The following NFIB variants were observed in gnomAD, a reference collection of about 807,000 sequenced individuals.
NFIB encodes nuclear factor I B, also known as nuclear factor 1 B-type.
Under a neutral mutation model 61.5 loss-of-function variants are expected in NFIB, and 11 were observed. The observed-to-expected ratio is 0.18, with a 90% CI of 0.11 to 0.30. The LOEUF (loss-of-function observed/expected upper bound fraction) is 0.30. Ranked by LOEUF, NFIB falls within the 10% of genes least tolerant of loss-of-function variation. The pLI is 1.00. For missense variants in NFIB, 471 were observed against 608.9 expected (o/e 0.77, Z 2.38); for synonymous variants, 260 against 216.5 (o/e 1.20, Z -1.76).
At chr9:14,449,542 A>C in the NFIB span, among the ~76,000 whole-genome samples, 2 of 152,334 alleles carry the variant, frequency 1.3e-5, no homozygotes, top group African/African-American at 4.8e-5. Flanking sequence ...TGAAAGTGTG[A>C]TCATAAAGGA....
chr9:14,209,742 G>A (rs1320690203), intron 2 of NFIB, among the ~76,000 whole-genome samples: 2 of 152,194 alleles, frequency 1.3e-5, no homozygotes, highest in African/African-American at 2.4e-5. Context: ...TAAAAGTGGA[G>A]GGAAAAGAGC....
At chr9:14,294,954 A>G (rs865965111) in intron 2 of NFIB, among the ~76,000 whole-genome samples, 5 of 152,082 alleles carry the variant, frequency 3.3e-5, no homozygotes, top group African/African-American at 1.2e-4. Flanking sequence ...TCCTCCAAGG[A>G]CCTCCATGGA....
At chr9:14,252,878 A>G (rs2055801141) in intron 2 of NFIB, among the ~76,000 whole-genome samples, 1 of 151,812 alleles carries the variant, frequency 6.6e-6, no homozygotes, top group Non-Finnish European at 1.5e-5. Flanking sequence ...GTAAACTTCT[A>G]CAAGAAGTCC....
intron 1 of NFIB, among the ~76,000 whole-genome samples, chr9:14,380,890 T>C (rs894524320): frequency 3.9e-5 from 6 of 151,928 alleles, no homozygotes; most frequent in African/African-American, 7.2e-5. Flanking sequence ...CTGTCACTAA[T>C]TCACCTCATC....
chr9:14,495,342 C>T, the NFIB span, among the ~76,000 whole-genome samples: 1 of 151,822 alleles, frequency 6.6e-6, no homozygotes, highest in African/African-American at 2.4e-5. Context: ...TAATCTCGCA[C>T]ATTGCAACAT....
chr9:14,150,303 C>A, intron 4 of NFIB, 38 bp from the exon 5 acceptor site: 1 of 1,611,908 alleles, frequency 6.2e-7, no homozygotes. Context: ...GAATGACATT[C>A]GTATTTCTGA....
At chr9:14,312,591 C>G (rs1195015882) in intron 1 of NFIB, among the ~76,000 whole-genome samples, 1 of 152,140 alleles carries the variant, frequency 6.6e-6, no homozygotes, top group African/African-American at 2.4e-5. Flanking sequence ...GGTCTCGCCG[C>G]TTTTCTATTT....
At chr9:14,322,225 G>A (rs2060678211) in intron 1 of NFIB, 2 of 785,710 alleles carry the variant, frequency 2.5e-6, no homozygotes, top group Non-Finnish European at 3.4e-6. Context: ...AGTCTGTCTG[G>A]ATTTCCAGCT....
At chr9:14,199,601 T>C (rs570296387) in intron 2 of NFIB, among the ~76,000 whole-genome samples, 11 of 152,376 alleles carry the variant, frequency 7.2e-5, no homozygotes, top group African/African-American at 2.6e-4. Context: ...TAAAGATGTG[T>C]TGGAGTCTCA....
At chr9:14,118,768 C>CTTT (rs35334290) in intron 8 of NFIB, among the ~76,000 whole-genome samples, 1 of 129,038 alleles carries the variant, frequency 7.7e-6, no homozygotes, top group Non-Finnish European at 1.7e-5. Context: ...TTTTCTTTTT[C>CTTT]TTTTTTTTTT....
intron 2 of NFIB, among the ~76,000 whole-genome samples, chr9:14,248,027 G>A (rs1043546362): frequency 2.6e-5 from 4 of 151,182 alleles, no homozygotes; most frequent in Non-Finnish European, 4.4e-5. Flanking sequence ...TGAACTCCTG[G>A]ACTCAAGCAA....
chr9:14,449,430 C>G, the NFIB span, among the ~76,000 whole-genome samples: 1 of 152,158 alleles, frequency 6.6e-6, no homozygotes, highest in Non-Finnish European at 1.5e-5. Flanking sequence ...GTTCAATTTG[C>G]AGGCAAAGTT....
chr9:14,164,120 G>A (rs780107612), intron 3 of NFIB, among the ~76,000 whole-genome samples: 2 of 151,634 alleles, frequency 1.3e-5, no homozygotes, highest in South Asian at 4.2e-4. Flanking sequence ...TAGAAAAAAA[G>A]AAATATTTAA....
intron 2 of NFIB, among the ~76,000 whole-genome samples, chr9:14,191,637 T>C (rs920732888): frequency 2.0e-5 from 3 of 152,174 alleles, no homozygotes; most frequent in East Asian, 3.9e-4. Context: ...CCAAAGAGTA[T>C]GAAAAAATCA....
At chr9:14,436,293 A>G in the NFIB span, among the ~76,000 whole-genome samples, 3 of 152,248 alleles carry the variant, frequency 2.0e-5, no homozygotes, top group African/African-American at 7.2e-5. Context: ...TGGAAATCTT[A>G]GGTGAACATC....
At chr9:14,169,020 T>C (rs922239257) in intron 3 of NFIB, among the ~76,000 whole-genome samples, 2 of 152,226 alleles carry the variant, frequency 1.3e-5, no homozygotes, top group Non-Finnish European at 2.9e-5. Context: ...GACATGATCA[T>C]CTTCTAGTTC....
At chr9:14,203,459 GC>G (rs1256819745) in intron 2 of NFIB, among the ~76,000 whole-genome samples, 1 of 152,166 alleles carries the variant, frequency 6.6e-6, no homozygotes, top group Admixed American at 6.5e-5. Flanking sequence ...AAAACATTCT[GC>G]CCCCTGTGCT....
At chr9:14,423,489 G>T in the NFIB span, among the ~76,000 whole-genome samples, 2 of 152,028 alleles carry the variant, frequency 1.3e-5, no homozygotes, top group African/African-American at 4.8e-5. Flanking sequence ...TTTACTTAGC[G>T]TGACATCGAG....
intron 2 of NFIB, among the ~76,000 whole-genome samples, chr9:14,302,011 T>C (rs1371025978): frequency 1.3e-5 from 2 of 152,172 alleles, no homozygotes; most frequent in African/African-American, 2.4e-5. Context: ...AAATCAAACA[T>C]GCATACCAAG....
Sources: allele counts gnomAD v4.1 joint callset (sites outside exome capture counted in the v4.1 genomes callset), GRCh38; gene constraint gnomAD v4.1.1; transcripts MANE v1.5; gene names NCBI Gene and HGNC (gene_info 2026-07-23, HGNC 2026-07-21).